AFF3: variants seen among roughly 807,000 people sequenced by gnomAD.
The protein encoded by AFF3 is ALF transcription elongation factor 3, also known as AF4/FMR2 family member 3.
A neutral mutation model predicts 129.7 loss-of-function variants in AFF3; 32 were observed. The observed-to-expected ratio is 0.25, with a 90% CI of 0.19 to 0.33. The LOEUF is 0.33. Ranked by LOEUF, AFF3 falls within the 10% of genes least tolerant of loss-of-function variation. AFF3 has a pLI of 1.00. For missense variants in AFF3, 1,373 were observed against 1,592.0 expected (o/e 0.86, Z 2.34); for synonymous variants, 644 against 635.4 (o/e 1.01, Z -0.20).
chr2:99,786,688 A>G (rs1159509111), intron 8 of AFF3, among the ~76,000 whole-genome samples: 3 of 152,230 alleles, frequency 2.0e-5, no homozygotes, highest in African/African-American at 7.2e-5. Flanking sequence ...ATAGTAAAAA[A>G]AAAATAAACT....
Position 99,672,175 on chromosome 2 carries a change from TTCTCACACAC to T in AFF3, c.1143+353_1143+362del, listed in dbSNP as rs1486437768. Reference sequence around the variant, plus strand: ...TTTGATCTCCAGAAGGCCAGTTAGCTTCTCACACACACACACACACACACACACACACACA... The same window carrying T: ...TTTGATCTCCAGAAGGCCAGTTAGCTACACACACACACACACACACACACA... On this transcript the variant is annotated intron_variant, in intron 12 of 24. Transcript: ENST00000672756. Among the ~76,000 whole-genome samples, 20 of 139,630 alleles carry T rather than the reference TTCTCACACAC, an allele frequency of 1.4e-4. 1 individual carries two copies. The highest frequency in any genetic ancestry group is 1.3e-3 in the Admixed American group (18 of 13,820). The allele number at this position is 139,630 out of a possible 152,430, so 91.6% of individuals were successfully genotyped here.
chr2:100,138,180 A>C (rs575411096), intron 1 of AFF3, among the ~76,000 whole-genome samples: 2 of 152,136 alleles, frequency 1.3e-5, no homozygotes, highest in African/African-American at 4.8e-5. Flanking sequence ...CCTTCTGGGG[A>C]TGCCTCACCA....
At chr2:99,884,249 T>G (rs1485215370) in intron 7 of AFF3, among the ~76,000 whole-genome samples, 1 of 152,238 alleles carries the variant, frequency 6.6e-6, no homozygotes, top group Non-Finnish European at 1.5e-5. Flanking sequence ...TCTGATAGAT[T>G]TATACATTAT....
chr2:99,674,520 C>T (rs1341873433), intron 11 of AFF3, among the ~76,000 whole-genome samples: 2 of 152,216 alleles, frequency 1.3e-5, no homozygotes, highest in East Asian at 3.9e-4. Context: ...CTTGCCTCCA[C>T]TCCCATGCCC....
At chr2:100,015,021 G>T (rs1682894554) in intron 4 of AFF3, among the ~76,000 whole-genome samples, 1 of 147,738 alleles carries the variant, frequency 6.8e-6, no homozygotes, top group African/African-American at 2.6e-5. Flanking sequence ...AGCCAGGATG[G>T]TCTCGATCTC....
At chr2:99,875,655 T>C (rs1457229486) in intron 7 of AFF3, among the ~76,000 whole-genome samples, 1 of 152,164 alleles carries the variant, frequency 6.6e-6, no homozygotes, top group Non-Finnish European at 1.5e-5. Flanking sequence ...TGGCAAGTAC[T>C]CAATATAGAT....
rs527431285 is a variant in AFF3 at position 100,071,517 on chromosome 2, C to T, written c.53+32885G>A. ...ACAAAGCAAGCATCCACTTTACCCA[C>T]GAAACACGTCGGGAGAGAGGAAGTG... On this transcript the variant is annotated intron_variant, in intron 4 of 24. Transcript: ENST00000672756. Among the ~76,000 whole-genome samples, 41 of 152,206 alleles carry T rather than the reference C, an allele frequency of 2.7e-4. No individual in the cohort carries two copies. The South Asian group carries it at 4.8e-3, about 18-fold the overall frequency.
chr2:99,782,542 T>C (rs138259822), intron 8 of AFF3, among the ~76,000 whole-genome samples: 2 of 152,344 alleles, frequency 1.3e-5, no homozygotes, highest in East Asian at 3.9e-4. Context: ...CCTGAAACTT[T>C]GTCAACTTTG....
At chr2:100,094,138 C>T (rs1412008735) in intron 4 of AFF3, among the ~76,000 whole-genome samples, 1 of 152,222 alleles carries the variant, frequency 6.6e-6, no homozygotes, top group Non-Finnish European at 1.5e-5. Context: ...CTCTTTGGCA[C>T]CAGGGACCAG....
chr2:99,892,978 G>A (rs2106094205), intron 7 of AFF3, among the ~76,000 whole-genome samples: 1 of 152,206 alleles, frequency 6.6e-6, no homozygotes, highest in East Asian at 1.9e-4. Flanking sequence ...CTTGGGGGGT[G>A]ACCAATGCCA....
rs1273589340 is a variant in AFF3, at chr2:99,560,306, T to C, written c.3191+59A>G. ...AAACACTATGCCTTTCAGCACCTGG[T>C]TTGCCAATGATGGCATGCGAGGCTG... is the stretch of plus-strand genomic sequence containing the variant. On this transcript the variant is annotated intron_variant, in intron 21 of 24. Transcript: ENST00000672756. 17 of 1,559,262 alleles carry C rather than the reference T, an allele frequency of 1.1e-5. No individual in the cohort carries two copies. In the Admixed American group the frequency reaches 2.7e-4, roughly 25 times the overall value.
intron 11 of AFF3, among the ~76,000 whole-genome samples, chr2:99,722,742 G>A (rs1185136137): frequency 6.6e-6 from 1 of 152,180 alleles, no homozygotes; most frequent in Non-Finnish European, 1.5e-5. Flanking sequence ...AAGGATTGAT[G>A]GAAATTTATA....
chr2:99,889,476 T>C (rs1693377698), intron 7 of AFF3, among the ~76,000 whole-genome samples: 2 of 152,250 alleles, frequency 1.3e-5, no homozygotes, highest in South Asian at 4.1e-4. Context: ...GTTCTCACTA[T>C]GACAGATTTA....
intron 7 of AFF3, among the ~76,000 whole-genome samples, chr2:99,988,432 G>A (rs1292461769): frequency 6.6e-6 from 1 of 152,156 alleles, no homozygotes; most frequent in East Asian, 1.9e-4. Context: ...AGCATCCTGA[G>A]GTTAAAGCTG....
chr2:99,840,021 T>C (rs138577074), intron 7 of AFF3, among the ~76,000 whole-genome samples: 11 of 150,078 alleles, frequency 7.3e-5, no homozygotes, highest in Admixed American at 5.3e-4. Flanking sequence ...GGGTTGCCTT[T>C]TTATTGTTTT....
At chr2:99,641,080 C>T (rs1218413230) in intron 13 of AFF3, among the ~76,000 whole-genome samples, 2 of 152,172 alleles carry the variant, frequency 1.3e-5, no homozygotes, top group Non-Finnish European at 2.9e-5. Flanking sequence ...CTGCCCAGGC[C>T]ATTCCTTCTG....
At chr2:99,588,516 T>C (rs1357249294) in intron 15 of AFF3, among the ~76,000 whole-genome samples, 1 of 152,180 alleles carries the variant, frequency 6.6e-6, no homozygotes, top group African/African-American at 2.4e-5. Flanking sequence ...GCAACACAAA[T>C]ATATTCAGAA....
intron 2 of AFF3, among the ~76,000 whole-genome samples, chr2:100,122,570 T>C (rs1416111528): frequency 6.6e-6 from 1 of 152,132 alleles, no homozygotes; most frequent in South Asian, 2.1e-4. Context: ...CAACCCAAAG[T>C]TGTAAAAACT....
intron 11 of AFF3, among the ~76,000 whole-genome samples, chr2:99,674,134 C>T (rs540484379): frequency 5.1e-4 from 78 of 152,298 alleles, no homozygotes; most frequent in African/African-American, 1.9e-3. Flanking sequence ...TGCTCATCTC[C>T]CAGTGCCGAG....
Sources: gnomAD v4.1 joint callset for allele counts (sites outside exome capture counted in the v4.1 genomes callset) on GRCh38, gnomAD v4.1.1 for gene constraint, MANE v1.5 for transcripts, NCBI Gene and HGNC (gene_info 2026-07-23, HGNC 2026-07-21) for gene names.